The following E2F7 variants were observed in gnomAD, a reference collection of about 807,000 sequenced individuals.
E2F7 encodes transcription factor E2F7.
E2F7 carries 35 observed loss-of-function variants against 81.1 expected under a neutral mutation model. That is an observed-to-expected ratio of 0.43 (90% CI 0.33 to 0.57). The LOEUF (loss-of-function observed/expected upper bound fraction) is 0.57, where lower values mean the gene tolerates loss of function less well. Among genes scored for constraint, E2F7 ranks in the 20% least tolerant of loss-of-function variants. E2F7 has a pLI of 0.04. For missense variants in E2F7, 961 were observed against 1,093.7 expected (o/e 0.88, Z 1.71); for synonymous variants, 416 against 416.2 (o/e 1.00, Z 0.01).
chr12:77,029,245 T>C (rs536612735), intron 10 of E2F7, among the ~76,000 whole-genome samples: 2 of 152,376 alleles, frequency 1.3e-5, no homozygotes, highest in East Asian at 3.9e-4. Context: ...GCCTACCTAC[T>C]GCAGACCACT....
intron 3 of E2F7, among the ~76,000 whole-genome samples, chr12:77,053,186 C>T (rs1306064349): frequency 1.3e-5 from 2 of 152,216 alleles, no homozygotes; most frequent in African/African-American, 4.8e-5. Flanking sequence ...ACTTTTTGCT[C>T]CAAGGACCCC....
chr12:77,039,375 CAA>C (rs1252997861), intron 7 of E2F7, among the ~76,000 whole-genome samples: 5 of 152,114 alleles, frequency 3.3e-5, no homozygotes, highest in Non-Finnish European at 4.4e-5. Context: ...AATGAAAAGA[CAA>C]AGCCACAGAT....
chr12:77,021,422 A>C lies in E2F7; in HGVS notation c.*2593T>G, dbSNP rs1214750500. On this transcript the variant is annotated 3_prime_UTR_variant, in exon 13 of 13. Coordinates refer to ENST00000322886, the MANE Select transcript of E2F7 (RefSeq NM_203394.3). ...CAGAGCTAAATAATAAGAAAACAAAAGCAGTAAGCAGCAATAAAATTAATA... is the reference window on the plus strand; with the variant it reads ...CAGAGCTAAATAATAAGAAAACAAACGCAGTAAGCAGCAATAAAATTAATA... 6.5e-6 allele frequency: 1 copy of C among 152,694 alleles called. No homozygotes were observed. The highest frequency in any genetic ancestry group is 6.5e-5 in the Admixed American group (1 of 15,288). 9.5% of individuals were successfully genotyped at this position (152,694 alleles called of 1,614,324 possible).
chr12:77,033,342 G>A (rs185543314), intron 8 of E2F7, among the ~76,000 whole-genome samples: 40 of 152,020 alleles, frequency 2.6e-4, no homozygotes, highest in African/African-American at 8.9e-4. Context: ...GGGAGACCCC[G>A]TCTCTACAAA....
chr12:77,032,213 A>T (rs1954813367), intron 9 of E2F7, among the ~76,000 whole-genome samples: 1 of 152,148 alleles, frequency 6.6e-6, no homozygotes, highest in African/African-American at 2.4e-5. Flanking sequence ...AACCTCCAAT[A>T]GCTCTTTATG....
intron 9 of E2F7, among the ~76,000 whole-genome samples, chr12:77,031,685 A>C (rs1954809100): frequency 6.6e-6 from 1 of 152,024 alleles, no homozygotes; most frequent in African/African-American, 2.4e-5. Context: ...AAACAAAATA[A>C]AAACACACAA....
chr12:77,063,933 T>C (rs1335543479), intron 2 of E2F7, among the ~76,000 whole-genome samples: 1 of 152,246 alleles, frequency 6.6e-6, no homozygotes, highest in East Asian at 1.9e-4. Context: ...TTATGGCCAG[T>C]TTACTTTGTA....
chr12:77,045,528 C>G (rs1035069618), intron 5 of E2F7: 1 of 153,896 alleles, frequency 6.5e-6, no homozygotes, highest in Non-Finnish European at 1.4e-5. Context: ...GGATGAAGAT[C>G]AATGGCTAAA....
In E2F7 at chr12:77,055,916, T is replaced by C. The variant is rs900992611; in HGVS notation, c.308A>G (p.Lys103Arg). Residue 103 changes from lysine to arginine, a missense_variant, in exon 3 of 13, where the codon AAG (lysine) becomes AGG (arginine). Physicochemically the swap from Lys to Arg is conservative, Grantham distance 26 (BLOSUM62 2). Transcript: ENST00000322886. ...AASPDIRDRE[K>R]KKGLFRPIEN... Reference sequence around the variant, plus strand: ...AATGGGTCGGAATAGTCCCTTTTTCTTCTCCCGGTCCCTTATATCTGGGCT... The same window carrying C: ...AATGGGTCGGAATAGTCCCTTTTTCCTCTCCCGGTCCCTTATATCTGGGCT... The C allele has an allele frequency of 5.0e-6, 8 of 1,614,038 alleles. No individual in the cohort carries two copies. Among genetic ancestry groups the C allele is most frequent in the Non-Finnish European group, 6.8e-6 (8 of 1,180,012 alleles).
chr12:77,037,048 C>G (rs1458233570), intron 7 of E2F7, among the ~76,000 whole-genome samples: 1 of 152,146 alleles, frequency 6.6e-6, no homozygotes, highest in Non-Finnish European at 1.5e-5. Context: ...CGCGCCCGGC[C>G]CAACCTAGAA....
Position 77,056,045 on chromosome 12 carries a change from A to C in E2F7, c.179T>G (p.Phe60Cys). 7 of 1,614,042 alleles carry C rather than the reference A, an allele frequency of 4.3e-6. No homozygotes were observed. The highest frequency in any genetic ancestry group is 5.9e-6 in the Non-Finnish European group (7 of 1,179,994). Residue 60 changes from phenylalanine to cysteine, a missense_variant, in exon 3 of 13, where the codon TTT becomes TGT. Phe to Cys is a radical substitution (Grantham distance 205). Around this residue, in one of 3 missense-constraint regions of E2F7, gnomAD observed 73 missense variants for 68.4 expected, o/e 1.07. Coordinates refer to ENST00000322886, the MANE Select transcript of E2F7 (RefSeq NM_203394.3). ...EPIDLSKQKK[F>C]TPERNPITPV... is the part of the protein sequence containing the mutation. ...AGTAATGGGATTTCTTTCTGGAGTAAATTTTTTTTGCTTCGATAAATCAAT... is the reference window on the plus strand; with the variant it reads ...AGTAATGGGATTTCTTTCTGGAGTACATTTTTTTTGCTTCGATAAATCAAT...
chr12:77,029,822 C>T lies in E2F7; in HGVS notation c.1884+9G>A. On this transcript the variant is annotated intron_variant, in intron 10 of 12. Transcript: ENST00000322886. ...ATGTCACCAGACACATCCACCTGCACTCCCTTACCTTGGGCATGACAAGCG... is the reference window on the plus strand; with the variant it reads ...ATGTCACCAGACACATCCACCTGCATTCCCTTACCTTGGGCATGACAAGCG... The T allele has an allele frequency of 6.2e-7, 1 of 1,613,324 alleles. No homozygotes were observed.
Position 77,023,951 on chromosome 12 carries a change from C to A in E2F7, c.*64G>T, listed in dbSNP as rs2120600174. On this transcript the variant is annotated 3_prime_UTR_variant, in exon 13 of 13. Transcript: ENST00000322886. ...GTGCTCAGGACGGGATGGTTTGCAT[C>A]CCGCCTCGGACATCCGGGACTCTCA... The A allele has an allele frequency of 6.4e-7, 1 of 1,569,584 alleles. No individual in the cohort carries two copies. The highest frequency in any genetic ancestry group is 1.9e-5 in the Admixed American group (1 of 54,002).
rs1413321715 is a variant in E2F7, at chr12:77,050,582, T to G, written c.532A>C (p.Ser178Arg). Reference protein sequence around the residue: ...TTISLDEVAVSLGVERRRIYD... With the variant: ...TTISLDEVAVRLGVERRRIYD... The stretch of plus-strand genomic sequence containing the variant: ...GTAATCTGATGATACATACCAAGAC[T>G]GACAGCAACTTCATCTAGGGAGATG... Residue 178 changes from serine to arginine, a missense_variant, in exon 4 of 13, where the codon AGT becomes CGT. Physicochemically the swap from Ser to Arg is moderately radical, Grantham distance 110 (BLOSUM62 -1). This residue lies in a region of E2F7 where 301 missense variants were observed against 405.0 expected (regional missense o/e 0.74). Transcript: ENST00000322886. 1 of 1,613,868 alleles carries G rather than the reference T, an allele frequency of 6.2e-7. No individual in the cohort carries two copies. Among genetic ancestry groups the G allele is most frequent in the Non-Finnish European group, 8.5e-7 (1 of 1,179,886 alleles).
In E2F7 at chr12:77,025,876, T is replaced by C. The variant is rs1299958814; in HGVS notation, c.2247A>G (p.Pro749=). The C allele has an allele frequency of 2.5e-6, 4 of 1,613,810 alleles. No homozygotes were observed. The Admixed American group carries it at 5.0e-5, about 20-fold the overall frequency. The change falls in exon 12 of 13, where the codon CCA becomes CCG. Residue 749 remains proline (P), a synonymous_variant. Coordinates refer to ENST00000322886, the MANE Select transcript of E2F7 (RefSeq NM_203394.3). ...PSFSVPCMVL[P]SPPLGPFPVL... is the part of the protein sequence containing the mutation. Reference sequence around the variant, plus strand: ...CAGGAAAAGGGCCCAGAGGTGGAGATGGTAAGACCATGCAAGGGACACTGA... The same window carrying C: ...CAGGAAAAGGGCCCAGAGGTGGAGACGGTAAGACCATGCAAGGGACACTGA...
chr12:77,043,122 C>T lies in E2F7; in HGVS notation c.1066G>A (p.Glu356Lys). 6.2e-7 allele frequency: 1 copy of T among 1,614,216 alleles called. No homozygotes were observed. The highest frequency in any genetic ancestry group is 8.5e-7 in the Non-Finnish European group (1 of 1,180,038). Reference protein sequence around the residue: ...ALIKKVHVTEERGRKPAFKWI... With the variant: ...ALIKKVHVTEKRGRKPAFKWI... ...TTGAAGGCTGGTTTACGACCTCGCT[C>T]TTCTGTTACATGCACTTTCTTTATC... Residue 356 changes from glutamate to lysine, a missense_variant, in exon 7 of 13, where the codon GAG becomes AAG. Physicochemically the swap from Glu to Lys is moderately conservative, Grantham distance 56. Around this residue, in one of 3 missense-constraint regions of E2F7, gnomAD observed 301 missense variants for 405.0 expected, o/e 0.74. Coordinates refer to ENST00000322886, the MANE Select transcript of E2F7 (RefSeq NM_203394.3).
intron 2 of E2F7, among the ~76,000 whole-genome samples, chr12:77,059,698 A>G (rs1374116072): frequency 6.6e-6 from 1 of 152,148 alleles, no homozygotes; most frequent in Admixed American, 6.6e-5. Context: ...TAGCACAGAC[A>G]TATAAAAGCC....
intron 2 of E2F7, among the ~76,000 whole-genome samples, chr12:77,060,297 C>A (rs964539385): frequency 6.6e-6 from 1 of 152,136 alleles, no homozygotes; most frequent in East Asian, 1.9e-4. Flanking sequence ...GGCTTACCTA[C>A]CATAGAGTTG....
Position 77,044,452 on chromosome 12 carries a change from T to C in E2F7, c.988+185A>G, listed in dbSNP as rs990842775. 4 of 684,468 alleles carry C rather than the reference T, an allele frequency of 5.8e-6. No individual in the cohort carries two copies. The Admixed American group carries it at 8.5e-5, about 15-fold the overall frequency. The allele number at this position is 684,468 out of a possible 1,614,324, so 42.4% of individuals were successfully genotyped here. ...ACCGAGGAAAAGGCACTGACAGGAC[T>C]CTAAGCTGAATTCTAGTAGGTGACT... On this transcript the variant is annotated intron_variant, in intron 6 of 12. Coordinates refer to ENST00000322886, the MANE Select transcript of E2F7 (RefSeq NM_203394.3).
Sources: allele counts gnomAD v4.1 joint callset (sites outside exome capture counted in the v4.1 genomes callset), GRCh38; gene constraint gnomAD v4.1.1; regional missense constraint gnomAD v4.1.1; transcripts MANE v1.5; gene names NCBI Gene and HGNC (gene_info 2026-07-23, HGNC 2026-07-21).